The following FGGY variants were observed in gnomAD, a reference collection of about 807,000 sequenced individuals.
FGGY encodes the protein FGGY carbohydrate kinase domain-containing protein.
FGGY carries 72 observed loss-of-function variants against 71.3 expected under a neutral mutation model. That is an observed-to-expected ratio of 1.01 (90% CI 0.84 to 1.23). FGGY has a LOEUF of 1.23. FGGY is among the 50% of genes most tolerant of loss of function. FGGY has a pLI of 0.00. For synonymous variants in FGGY, 251 were observed against 250.3 expected (o/e 1.00, Z -0.02); for missense variants, 668 against 682.3 (o/e 0.98, Z 0.23).
intron 5 of FGGY, among the ~76,000 whole-genome samples, chr1:59,443,925 GA>G (rs1269710386): frequency 2.6e-5 from 4 of 152,212 alleles, no homozygotes; most frequent in Non-Finnish European, 5.9e-5. Flanking sequence ...GGGTTCAGAA[GA>G]ACTAGAGAGT....
At chr1:59,621,059 T>C (rs2096801651) in intron 9 of FGGY, among the ~76,000 whole-genome samples, 1 of 152,076 alleles carries the variant, frequency 6.6e-6, no homozygotes, top group Non-Finnish European at 1.5e-5. Context: ...TCCTAACTTG[T>C]AGATGGCTGC....
chr1:59,575,478 C>G (rs2096062163), intron 8 of FGGY, among the ~76,000 whole-genome samples: 1 of 152,120 alleles, frequency 6.6e-6, no homozygotes, highest in South Asian at 2.1e-4. Context: ...TGTTTTGAAT[C>G]TATGGCACAT....
chr1:59,461,179 A>T (rs2092175938), intron 6 of FGGY, among the ~76,000 whole-genome samples: 1 of 152,216 alleles, frequency 6.6e-6, no homozygotes, highest in Admixed American at 6.5e-5. Flanking sequence ...TTGAAAAAAG[A>T]TTAGATGAAT....
intron 4 of FGGY, among the ~76,000 whole-genome samples, chr1:59,348,990 T>C (rs2052697295): frequency 6.6e-6 from 1 of 152,176 alleles, no homozygotes; most frequent in Non-Finnish European, 1.5e-5. Flanking sequence ...AAAACCTGAC[T>C]CGGGTATATA....
At chr1:59,405,718 C>G (rs1408480072) in intron 5 of FGGY, among the ~76,000 whole-genome samples, 2 of 152,138 alleles carry the variant, frequency 1.3e-5, no homozygotes, top group East Asian at 3.9e-4. Context: ...CCACCTTTAG[C>G]CTACCCCCCA....
intron 6 of FGGY, among the ~76,000 whole-genome samples, chr1:59,472,443 C>T (rs535614395): frequency 2.6e-5 from 4 of 152,348 alleles, no homozygotes; most frequent in South Asian, 2.1e-4. Context: ...CTAGTCCCAT[C>T]GACCACCCAA....
intron 8 of FGGY, among the ~76,000 whole-genome samples, chr1:59,606,367 G>A (rs1392843557): frequency 2.6e-5 from 4 of 151,984 alleles, no homozygotes; most frequent in Non-Finnish European, 1.5e-5. Context: ...AACAAGTTAG[G>A]GAAAAATTTG....
intron 14 of FGGY, among the ~76,000 whole-genome samples, chr1:59,674,827 A>G (rs962882898): frequency 1.3e-5 from 2 of 152,310 alleles, no homozygotes; most frequent in Middle Eastern, 3.4e-3. Context: ...TGAGTGCTAA[A>G]ATAATACAAG....
intron 11 of FGGY, among the ~76,000 whole-genome samples, chr1:59,639,508 A>G (rs183989676): frequency 6.6e-6 from 1 of 152,344 alleles, no homozygotes; most frequent in Admixed American, 6.5e-5. Flanking sequence ...AATAATGTCC[A>G]GAGAGGGCCA....
At chr1:59,562,388 C>T (rs1373978107) in intron 8 of FGGY, among the ~76,000 whole-genome samples, 4 of 152,168 alleles carry the variant, frequency 2.6e-5, no homozygotes. Flanking sequence ...TTCTTCCAGG[C>T]AACTTGCAGT....
intron 6 of FGGY, among the ~76,000 whole-genome samples, chr1:59,480,391 A>G (rs1006148094): frequency 3.3e-5 from 5 of 152,136 alleles, no homozygotes; most frequent in African/African-American, 1.2e-4. Flanking sequence ...TATCGAGTCC[A>G]TGTTCCAGGA....
intron 14 of FGGY, among the ~76,000 whole-genome samples, chr1:59,744,321 A>G (rs2098175935): frequency 6.6e-6 from 1 of 152,160 alleles, no homozygotes; most frequent in African/African-American, 2.4e-5. Flanking sequence ...TCTGGATTCA[A>G]GCGATTCTCC....
At chr1:59,735,425 G>A (rs1426732977) in intron 14 of FGGY, among the ~76,000 whole-genome samples, 1 of 152,190 alleles carries the variant, frequency 6.6e-6, no homozygotes, top group Non-Finnish European at 1.5e-5. Context: ...TTGACACCAG[G>A]TGATATTGTG....
At chr1:59,579,020 C>A (rs2096136012) in intron 8 of FGGY, among the ~76,000 whole-genome samples, 1 of 152,134 alleles carries the variant, frequency 6.6e-6, no homozygotes, top group Non-Finnish European at 1.5e-5. Context: ...CTCCCACTCT[C>A]TCTTGAGCCC....
chr1:59,729,126 A>G (rs917159232), intron 14 of FGGY, among the ~76,000 whole-genome samples: 1 of 151,810 alleles, frequency 6.6e-6, no homozygotes, highest in Non-Finnish European at 1.5e-5. Flanking sequence ...CTTCAAATTC[A>G]CTGATTCTTT....
chr1:59,461,800 T>A (rs529433551), intron 6 of FGGY, among the ~76,000 whole-genome samples: 1 of 143,798 alleles, frequency 7.0e-6, no homozygotes, highest in East Asian at 1.9e-4. Flanking sequence ...GTTTTGTTTT[T>A]TATTTTATTG....
intron 1 of FGGY, among the ~76,000 whole-genome samples, chr1:59,299,150 C>G (rs1197308093): frequency 2.0e-5 from 3 of 152,104 alleles, no homozygotes; most frequent in Non-Finnish European, 2.9e-5. Flanking sequence ...ATACTGGAGC[C>G]GAGTTCCAAA....
intron 8 of FGGY, among the ~76,000 whole-genome samples, chr1:59,601,704 C>T (rs865825040): frequency 7.2e-5 from 11 of 152,308 alleles, no homozygotes; most frequent in Middle Eastern, 3.4e-3. Context: ...TTATAAACTT[C>T]GGGAGGACGG....
At chr1:59,715,983 C>T (rs2097843258) in intron 14 of FGGY, among the ~76,000 whole-genome samples, 1 of 152,178 alleles carries the variant, frequency 6.6e-6, no homozygotes, top group African/African-American at 2.4e-5. Context: ...GACCAAATGG[C>T]CCATAAAACC....
Sources: allele counts gnomAD v4.1 joint callset (sites outside exome capture counted in the v4.1 genomes callset), GRCh38; gene constraint gnomAD v4.1.1; transcripts MANE v1.5; gene names NCBI Gene and HGNC (gene_info 2026-07-23, HGNC 2026-07-21).